Variants in MPPE1 observed in about 807,000 individuals in gnomAD.
MPPE1 encodes metallo phosphoesterase.
MPPE1 carries 28 observed loss-of-function variants against 43.8 expected under a neutral mutation model. The ratio of observed to expected loss-of-function variants is 0.64; its 90% CI spans 0.47 to 0.88. The LOEUF (loss-of-function observed/expected upper bound fraction) is 0.88. Ranked by LOEUF, MPPE1 falls within the 40% of genes least tolerant of loss-of-function variation. MPPE1 has a pLI of 0.00. For missense variants in MPPE1, 428 were observed against 492.2 expected, an observed-to-expected ratio of 0.87 and a Z score of 1.23; for synonymous variants, 159 against 188.5, an observed-to-expected ratio of 0.84 and a Z score of 1.28.
chr18:11,902,084 A>G (rs977957446), intron 2 of MPPE1, among the ~76,000 whole-genome samples: 3 of 152,240 alleles, frequency 2.0e-5, no homozygotes, highest in African/African-American at 7.2e-5. Flanking sequence ...CGCAGTCACA[A>G]CATACCTTTA....
At chr18:11,892,099 G>T (rs2038055491) in intron 4 of MPPE1, among the ~76,000 whole-genome samples, 1 of 152,142 alleles carries the variant, frequency 6.6e-6, no homozygotes, top group Non-Finnish European at 1.5e-5. Flanking sequence ...CAGCACTTTG[G>T]GAGGCCAAGG....
At chr18:11,901,174 A>G (rs2039158980) in intron 2 of MPPE1, among the ~76,000 whole-genome samples, 1 of 152,072 alleles carries the variant, frequency 6.6e-6, no homozygotes, top group South Asian at 2.1e-4. Context: ...GGGGACTGTC[A>G]TTCCTCTGTT....
In MPPE1 at chr18:11,903,761, G is replaced by A. The variant is rs572703790; in HGVS notation, c.-93+2442C>T. Reference sequence around the variant, plus strand: ...GCGGAGCTTGCAGTGAACCGAGATCGCGCCATTGCACTCCAGCCTGGGGGA... The same window carrying A: ...GCGGAGCTTGCAGTGAACCGAGATCACGCCATTGCACTCCAGCCTGGGGGA... On this transcript the variant is annotated intron_variant, in intron 2 of 10. Transcript: ENST00000588072. Among the ~76,000 whole-genome samples, 5 of 152,228 alleles carry A rather than the reference G, an allele frequency of 3.3e-5. No individual in the cohort carries two copies. In the East Asian group the frequency reaches 5.8e-4, roughly 18 times the overall value.
intron 4 of MPPE1, among the ~76,000 whole-genome samples, chr18:11,890,464 C>T (rs1295954885): frequency 1.3e-5 from 2 of 152,088 alleles, no homozygotes; most frequent in African/African-American, 2.4e-5. Flanking sequence ...CGTGTACCAC[C>T]ATGCCCAGCT....
chr18:11,890,215 T>C (rs976994843), intron 4 of MPPE1, among the ~76,000 whole-genome samples: 4 of 152,236 alleles, frequency 2.6e-5, no homozygotes, highest in Non-Finnish European at 4.4e-5. Flanking sequence ...GTGCTGGGAT[T>C]ACAGGCGTGA....
chr18:11,886,917 C>G lies in MPPE1; in HGVS notation c.678G>C (p.Glu226Asp). Residue 226 changes from glutamate (E) to aspartate (D), a missense_variant and splice_region_variant, in exon 7 of 11, where the codon GAG becomes GAC. Glu to Asp is a conservative substitution (Grantham distance 45). Coordinates refer to ENST00000588072, the MANE Select transcript of MPPE1 (RefSeq NM_023075.6). This position sits in a 1 kb window ranked among gnomAD's most constrained non-coding sequence, Gnocchi z 4.1. The part of the protein sequence containing the change: ...EVSHRLNCSR[E>D]ARGSSRCGPG... ...CTGTGGCATTCAGATGCTCTCCTAC[C>G]TCTCGGGAGCAGTTCAGTCTGTGAG... The G allele has an allele frequency of 6.2e-7, 1 of 1,610,756 alleles. No individual in the cohort carries two copies. The highest frequency in any genetic ancestry group is 8.5e-7 in the Non-Finnish European group (1 of 1,177,818).
chr18:11,907,772 C>CA (rs1193487697), intron 1 of MPPE1: 1 of 151,746 alleles, frequency 6.6e-6, no homozygotes, highest in Admixed American at 6.6e-5. Context: ...TTCAGCGTCC[C>CA]AGAGTGCTGG....
chr18:11,903,479 T>C (rs556337626), intron 2 of MPPE1, among the ~76,000 whole-genome samples: 1 of 152,124 alleles, frequency 6.6e-6, no homozygotes, highest in African/African-American at 2.4e-5. Flanking sequence ...ACGCCAGAAG[T>C]GGGTCAGCCT....
chr18:11,889,162 G>A (rs1291402202), intron 5 of MPPE1, among the ~76,000 whole-genome samples: 1 of 152,192 alleles, frequency 6.6e-6, no homozygotes, highest in East Asian at 1.9e-4. Flanking sequence ...CAAGTTAGAT[G>A]TTTCCCAAGG....
intron 2 of MPPE1, among the ~76,000 whole-genome samples, chr18:11,901,564 G>A (rs1262129063): frequency 3.3e-5 from 5 of 151,710 alleles, no homozygotes; most frequent in Admixed American, 3.3e-4. Context: ...CAGCTGGCCT[G>A]GCACAGTGGC....
chr18:11,898,754 C>T (rs2038846621), intron 2 of MPPE1, among the ~76,000 whole-genome samples: 4 of 152,076 alleles, frequency 2.6e-5, no homozygotes, highest in Admixed American at 2.0e-4. Context: ...GGACTGTTTT[C>T]CACATCCCTA....
At chr18:11,896,881 A>G (rs2038666323) in intron 3 of MPPE1, 103 bp downstream of exon 3, 3 of 1,070,896 alleles carry the variant, frequency 2.8e-6, no homozygotes, top group Admixed American at 5.7e-5. Context: ...TTTGAGAGGA[A>G]AATAACTAAG....
Position 11,885,732 on chromosome 18 carries a change from C to A in MPPE1, c.952G>T (p.Glu318Ter), listed in dbSNP as rs755998099. Residue 318 changes from glutamate (E) to a stop codon, truncating the protein, a stop_gained, in exon 10 of 11, where the codon GAG (glutamate) becomes TAG (stop). Transcript: ENST00000588072. LOFTEE classifies it high-confidence loss of function. ...CEVHHGGRVPELSVPSFSWRN... is the reference protein window; with the variant it reads ...CEVHHGGRVP The stretch of plus-strand genomic sequence containing the variant: ...CAACTGAAAGATGGGACGCTGAGCT[C>A]GGGGACTCGGCCCCCGTGGTGCACC... 2 of 1,614,034 alleles carry A rather than the reference C, an allele frequency of 1.2e-6. No homozygotes were observed. Among genetic ancestry groups the A allele is most frequent in the African/African-American group, 1.3e-5 (1 of 75,058 alleles).
chr18:11,893,166 T>C (rs918006188), intron 4 of MPPE1: 8 of 303,320 alleles, frequency 2.6e-5, no homozygotes, highest in African/African-American at 1.5e-4. Context: ...CGTTTCTCCC[T>C]TTCCCAAGAG....
intron 6 of MPPE1, 34 bp from the exon 7 acceptor site, chr18:11,887,059 G>C (rs748698413): frequency 5.4e-6 from 8 of 1,494,500 alleles, no homozygotes; most frequent in Middle Eastern, 3.6e-4. Context: ...GAGGCCGCTG[G>C]GGGTATCAGT....
At chr18:11,894,884 C>CCCGG (rs1381613509) in intron 3 of MPPE1, among the ~76,000 whole-genome samples, 2 of 152,184 alleles carry the variant, frequency 1.3e-5, no homozygotes, top group Non-Finnish European at 2.9e-5. Context: ...AGCCACCACA[C>CCCGG]CCGGCCGGCC....
chr18:11,903,754 C>T (rs374283746), intron 2 of MPPE1, among the ~76,000 whole-genome samples: 15 of 152,226 alleles, frequency 9.9e-5, no homozygotes, highest in African/African-American at 3.6e-4. Context: ...TGCAGTGAAC[C>T]GAGATCGCGC....
chr18:11,888,677 T>G lies in MPPE1; in HGVS notation c.561A>C (p.Lys187Asn), dbSNP rs1369201953. 1 of 1,596,680 alleles carries G rather than the reference T, an allele frequency of 6.3e-7. No individual in the cohort carries two copies. Among genetic ancestry groups the G allele is most frequent in the Non-Finnish European group, 8.5e-7 (1 of 1,171,440 alleles). Residue 187 changes from lysine (K) to asparagine (N), a missense_variant, in exon 6 of 11, where the codon AAA becomes AAC. Coordinates refer to ENST00000588072, the MANE Select transcript of MPPE1 (RefSeq NM_023075.6). ...TTACAAATAATACTCACTTAATGCC[T>G]TTCCAAGAAAACAGTCTTTCAGAGC... ...VFSSERLFSW[K>N]GINFVMVNSV...
intron 3 of MPPE1, 131 bp downstream of exon 3, chr18:11,896,853 T>C: frequency 1.2e-6 from 1 of 828,844 alleles, no homozygotes; most frequent in Non-Finnish European, 1.9e-6. Flanking sequence ...AAAAGTCAAA[T>C]GTCCCTAAAT....
Sources: gnomAD v4.1 joint callset for allele counts (sites outside exome capture counted in the v4.1 genomes callset) on GRCh38, gnomAD v4.1.1 for gene constraint, Gnocchi (gnomAD v3.1) non-coding constraint, MANE v1.5 for transcripts, NCBI Gene and HGNC (gene_info 2026-07-23, HGNC 2026-07-21) for gene names.